Variants in PDE12 observed in about 807,000 individuals in gnomAD.
PDE12 encodes phosphodiesterase 12, also known as 2',5'-phosphodiesterase 12.
Under a neutral mutation model 45.4 loss-of-function variants are expected in PDE12, and 26 were observed. That is an observed-to-expected ratio of 0.57 (90% CI 0.42 to 0.79). The LOEUF is 0.79. PDE12 is among the 30% of genes least tolerant of loss of function. PDE12 has a pLI of 0.00. For missense variants in PDE12, 668 were observed against 790.0 expected (o/e 0.85, Z 1.85); for synonymous variants, 283 against 323.9 (o/e 0.87, Z 1.36).
At chr3:57,604,683 G>A in the PDE12 span, among the ~76,000 whole-genome samples, 2 of 149,034 alleles carry the variant, frequency 1.3e-5, no homozygotes, top group Non-Finnish European at 3.0e-5. Context: ...TATGATCGTG[G>A]CTCACTGCAA....
chr3:57,630,287 C>G, the PDE12 span: 1 of 707,912 alleles, frequency 1.4e-6, no homozygotes, highest in South Asian at 2.3e-5. Flanking sequence ...TGGCACATAG[C>G]ACATGATCTA....
the PDE12 span, among the ~76,000 whole-genome samples, chr3:57,615,758 C>G: frequency 1.3e-5 from 2 of 151,832 alleles, no homozygotes; most frequent in African/African-American, 4.8e-5. Flanking sequence ...GACCCAAGAT[C>G]ATGCTACTGT....
the PDE12 span, chr3:57,654,770 A>T: frequency 1.0e-6 from 1 of 985,356 alleles, no homozygotes; most frequent in South Asian, 4.7e-5. Flanking sequence ...TATCTCTGCT[A>T]CTCAAATTCA....
At chr3:57,617,278 G>A in the PDE12 span, among the ~76,000 whole-genome samples, 6 of 150,858 alleles carry the variant, frequency 4.0e-5, no homozygotes, top group East Asian at 2.0e-4. Context: ...AGTGACACAA[G>A]CCTGTAGTCC....
At chr3:57,589,376 CATG>C in the PDE12 span, among the ~76,000 whole-genome samples, 1 of 151,962 alleles carries the variant, frequency 6.6e-6, no homozygotes, top group East Asian at 1.9e-4. Context: ...TGCAGCGAGC[CATG>C]ATCACACCAC....
At position 57,562,863 on chromosome 3, in the gene PDE12, A is replaced by G. The variant is rs1455638592; in HGVS notation, c.*2859A>G. 1 of 152,222 alleles carries G rather than the reference A, an allele frequency of 6.6e-6. No homozygotes were observed. The highest frequency in any genetic ancestry group is 2.4e-5 in the African/African-American group (1 of 41,456). The allele number at this position is 152,222 out of a possible 1,614,324, so 9.4% of individuals were successfully genotyped here. ...TAAAATCAGTTGTTTCAAAATTTCA[A>G]GAATTCCACTGAGTAGTGATTTTTC... On this transcript the variant is annotated 3_prime_UTR_variant, in exon 3 of 3. Transcript: ENST00000311180.
At position 57,559,299 on chromosome 3, in the gene PDE12, G is replaced by A. The variant is rs765359202; in HGVS notation, c.1309-11G>A. On this transcript the variant is annotated splice_polypyrimidine_tract_variant and intron_variant, in intron 1 of 2. Transcript: ENST00000311180. ...GCCAACTGAACTCTTGGCACTTTCCGTTTATTTTAGGTTTCAGTTCTTCAG... is the reference window on the plus strand; with the variant it reads ...GCCAACTGAACTCTTGGCACTTTCCATTTATTTTAGGTTTCAGTTCTTCAG... 5 of 1,589,636 alleles carry A rather than the reference G, an allele frequency of 3.1e-6. No homozygotes were observed. Among genetic ancestry groups the A allele is most frequent in the Middle Eastern group, 1.7e-4 (1 of 5,912 alleles).
At chr3:57,574,266 A>C in the PDE12 span, among the ~76,000 whole-genome samples, 1 of 151,896 alleles carries the variant, frequency 6.6e-6, no homozygotes, top group Non-Finnish European at 1.5e-5. Flanking sequence ...TGTTTGTTTC[A>C]TTTTTTACCA....
chr3:57,613,320 A>G, the PDE12 span, among the ~76,000 whole-genome samples: 8 of 129,286 alleles, frequency 6.2e-5, no homozygotes, highest in Non-Finnish European at 8.2e-5. Context: ...TTTTGAGACA[A>G]TCTTACTCTG....
chr3:57,593,010 G>T, the PDE12 span, among the ~76,000 whole-genome samples: 1 of 152,062 alleles, frequency 6.6e-6, no homozygotes, highest in African/African-American at 2.4e-5. Flanking sequence ...TTTGAGATCA[G>T]CTGGGCAACA....
chr3:57,559,525 T>C, intron 2 of PDE12, 37 bp from the exon 3 acceptor site: 3 of 1,570,024 alleles, frequency 1.9e-6, no homozygotes, highest in Non-Finnish European at 2.6e-6. Flanking sequence ...AAGACAACTT[T>C]AAAAAATACT....
At chr3:57,570,236 TTTTG>T (rs1254027274), downstream of PDE12, among the ~76,000 whole-genome samples, 12 of 146,920 alleles carry the variant, frequency 8.2e-5, no homozygotes, top group African/African-American at 2.6e-4. Context: ...TTTTTTTTTT[TTTTG>T]GAGACAGAGT....
At chr3:57,577,438 T>C in the PDE12 span, 36 of 1,452,352 alleles carry the variant, frequency 2.5e-5, no homozygotes, top group Admixed American at 3.7e-4. Flanking sequence ...ACACTCTCTA[T>C]ATGAAACAGT....
the PDE12 span, among the ~76,000 whole-genome samples, chr3:57,610,784 C>A: frequency 2.0e-5 from 3 of 152,094 alleles, no homozygotes; most frequent in Non-Finnish European, 4.4e-5. Flanking sequence ...TAGGAAGAAT[C>A]AATATCGTGA....
chr3:57,609,297 T>C, the PDE12 span, among the ~76,000 whole-genome samples: 6 of 152,192 alleles, frequency 3.9e-5, no homozygotes, highest in Admixed American at 3.9e-4. Context: ...AGGTCTAAAA[T>C]TGACACCCTA....
the PDE12 span, among the ~76,000 whole-genome samples, chr3:57,612,443 A>C: frequency 2.0e-5 from 3 of 152,098 alleles, no homozygotes; most frequent in South Asian, 6.2e-4. Flanking sequence ...ATAAAAGAAC[A>C]TATACTTAAT....
the PDE12 span, chr3:57,628,478 T>G: frequency 7.8e-7 from 1 of 1,283,152 alleles, no homozygotes; most frequent in Non-Finnish European, 1.0e-6. Flanking sequence ...TTACAGAAAC[T>G]AAAAAAGCAA....
At chr3:57,580,223 G>A in the PDE12 span, among the ~76,000 whole-genome samples, 1 of 151,956 alleles carries the variant, frequency 6.6e-6, no homozygotes, top group African/African-American at 2.4e-5. Context: ...ACTATGCCTC[G>A]TCTAAATAAA....
chr3:57,556,336 G>T lies in PDE12; in HGVS notation c.-44G>T. ...CCTCAGCTCCACCTGACAGTAGGCC[G>T]CTGATCGGCCGCGGGTCTTGTCGAC... On this transcript the variant is annotated 5_prime_UTR_variant, in exon 1 of 3. Transcript: ENST00000311180. This position sits in a 1 kb window ranked among gnomAD's most constrained non-coding sequence, Gnocchi z 5.0. The T allele has an allele frequency of 6.6e-7, 1 of 1,508,776 alleles. No individual in the cohort carries two copies. The highest frequency in any genetic ancestry group is 8.9e-7 in the Non-Finnish European group (1 of 1,126,982). The allele number at this position is 1,508,776 out of a possible 1,614,324, so 93.5% of individuals were successfully genotyped here.
Sources: allele counts gnomAD v4.1 joint callset (sites outside exome capture counted in the v4.1 genomes callset), GRCh38; gene constraint gnomAD v4.1.1; non-coding constraint Gnocchi (gnomAD v3.1); transcripts MANE v1.5; gene names NCBI Gene and HGNC (gene_info 2026-07-23, HGNC 2026-07-21).